KIAA0753: variants seen among roughly 807,000 people sequenced by gnomAD.
KIAA0753 encodes the protein protein moonraker.
A neutral mutation model predicts 116.9 loss-of-function variants in KIAA0753; 114 were observed. The observed-to-expected ratio is 0.98, with a 90% confidence interval of 0.84 to 1.14. The LOEUF is 1.14. Among genes scored for constraint, KIAA0753 ranks in the 50% most tolerant of loss-of-function variants. The probability of loss-of-function intolerance (pLI) is 0.00; values close to 1 mark genes in which losing one functional copy is unlikely to be tolerated. For synonymous variants in KIAA0753, 405 were observed against 413.1 expected, an observed-to-expected ratio of 0.98 and a Z score of 0.24; for missense variants, 1,156 against 1,172.4, an observed-to-expected ratio of 0.99 and a Z score of 0.20.
chr17:6,579,728 G>C lies in KIAA0753; in HGVS notation c.*19C>G. ...TCCCTTCTCCAGTGTGACACAAATGGCCTCGCCTCAGAGAGCCTTTATGTA... is the reference window on the plus strand; with the variant it reads ...TCCCTTCTCCAGTGTGACACAAATGCCCTCGCCTCAGAGAGCCTTTATGTA... On this transcript the variant is annotated 3_prime_UTR_variant, in exon 19 of 19. Transcript: ENST00000361413. 6.4e-7 allele frequency: 1 copy of C among 1,553,470 alleles called. No homozygotes were observed. Among genetic ancestry groups the C allele is most frequent in the Middle Eastern group, 1.7e-4 (1 of 5,948 alleles).
intron 18 of KIAA0753, among the ~76,000 whole-genome samples, chr17:6,589,226 A>G (rs971624218): frequency 2.0e-5 from 3 of 152,130 alleles, no homozygotes; most frequent in African/African-American, 4.8e-5. Flanking sequence ...AGGTCCCTCA[A>G]TGGGATCAGT....
chr17:6,623,859 C>T (rs545166200), intron 4 of KIAA0753: 2 of 282,380 alleles, frequency 7.1e-6, no homozygotes, highest in African/African-American at 2.2e-5. Flanking sequence ...GTAGGCGGGC[C>T]GGATCGTGAA....
At chr17:6,606,809 G>C (rs1308570885) in intron 12 of KIAA0753, 64 bp downstream of exon 12, 2 of 1,399,786 alleles carry the variant, frequency 1.4e-6, no homozygotes, top group African/African-American at 1.4e-5. Context: ...TTGGTTGCTA[G>C]AACTATCTAG....
In KIAA0753 at chr17:6,628,550, C is replaced by G; in HGVS notation, c.285G>C (p.Glu95Asp). Reference protein sequence around the residue: ...SSVSFSVISQERLSYAVHLAR... With the variant: ...SSVSFSVISQDRLSYAVHLAR... ...CTAGGTGGACAGCATAGCTAAGTCTCTCTTGGGATATGACGGAAAATGAAA... is the reference window on the plus strand; with the variant it reads ...CTAGGTGGACAGCATAGCTAAGTCTGTCTTGGGATATGACGGAAAATGAAA... Residue 95 changes from glutamate (E) to aspartate (D), a missense_variant, in exon 3 of 19, where the codon GAG becomes GAC. Physicochemically the swap from Glu to Asp is conservative, Grantham distance 45. Coordinates refer to ENST00000361413, the MANE Select transcript of KIAA0753 (RefSeq NM_014804.3). 6.2e-6 allele frequency: 10 copies of G among 1,614,200 alleles called. No homozygotes were observed. Among genetic ancestry groups the G allele is most frequent in the Non-Finnish European group, 8.5e-6 (10 of 1,180,032 alleles).
chr17:6,638,390 G>A (rs1312805117), intron 1 of KIAA0753: 1 of 153,160 alleles, frequency 6.5e-6, no homozygotes, highest in Non-Finnish European at 1.5e-5. Flanking sequence ...ACTCTGGCAG[G>A]CACCTTTCCA....
At chr17:6,591,098 GA>G (rs1169916775) in intron 16 of KIAA0753, among the ~76,000 whole-genome samples, 1 of 139,276 alleles carries the variant, frequency 7.2e-6, no homozygotes, top group Non-Finnish European at 1.6e-5. Context: ...AGAAGAAGAA[GA>G]AGAAGAAGAA....
chr17:6,614,243 C>T (rs1970731144), intron 7 of KIAA0753, among the ~76,000 whole-genome samples: 1 of 152,124 alleles, frequency 6.6e-6, no homozygotes. Context: ...CACTGCAACC[C>T]AGCAATCTCA....
intron 12 of KIAA0753, 131 bp downstream of exon 12, chr17:6,606,742 G>T: frequency 1.5e-6 from 1 of 668,460 alleles, no homozygotes; most frequent in South Asian, 1.8e-5. Context: ...TAATATACAG[G>T]TAGACATGCA....
At chr17:6,629,168 T>C (rs905163882) in intron 2 of KIAA0753, among the ~76,000 whole-genome samples, 1 of 152,210 alleles carries the variant, frequency 6.6e-6, no homozygotes, top group African/African-American at 2.4e-5. Context: ...TAGTACTTCT[T>C]CAGGTCTTCC....
At position 6,612,095 on chromosome 17, in the gene KIAA0753, G is replaced by A. The variant is rs776028596; in HGVS notation, c.1369C>T (p.Leu457Phe). The A allele has an allele frequency of 2.5e-6, 4 of 1,614,088 alleles. No individual in the cohort carries two copies. In the East Asian group the frequency reaches 8.9e-5, roughly 36 times the overall value. The change falls in exon 8 of 19, where the codon CTT becomes TTT. Residue 457 changes from leucine (L) to phenylalanine (F), a missense_variant. Coordinates refer to ENST00000361413, the MANE Select transcript of KIAA0753 (RefSeq NM_014804.3). ...ACTATATCCGCATCTAATACATCAA[G>A]CTCACTCTGCAACCTCTGGGTCTCC... is the stretch of plus-strand genomic sequence containing the variant. ...LPETQRLQSELDVLDADIVLE... is the reference protein window; with the variant it reads ...LPETQRLQSEFDVLDADIVLE...
At chr17:6,593,658 T>C (rs1394738883) in intron 16 of KIAA0753, among the ~76,000 whole-genome samples, 1 of 152,172 alleles carries the variant, frequency 6.6e-6, no homozygotes, top group African/African-American at 2.4e-5. Flanking sequence ...GAGGCCGAGG[T>C]GGGTGTGTCA....
intron 16 of KIAA0753, 100 bp downstream of exon 16, chr17:6,594,872 G>A (rs1293170611): frequency 2.5e-6 from 2 of 798,816 alleles, no homozygotes; most frequent in Non-Finnish European, 4.3e-6. Context: ...AATCTAGAAG[G>A]TGAGTATAGC....
Position 6,620,883 on chromosome 17 carries a change from C to T in KIAA0753, c.1220G>A (p.Ser407Asn). The T allele has an allele frequency of 4.3e-6, 7 of 1,614,180 alleles. No homozygotes were observed. The highest frequency in any genetic ancestry group is 5.1e-6 in the Non-Finnish European group (6 of 1,180,018). Residue 407 changes from serine (S) to asparagine (N), a missense_variant, in exon 7 of 19, where the codon AGT becomes AAT. Transcript: ENST00000361413. ...CCTCCTCTCACCCTTTGGTGATGTACTTGGCCATCTCTCCAAGGCCTTTTG... is the reference window on the plus strand; with the variant it reads ...CCTCCTCTCACCCTTTGGTGATGTATTTGGCCATCTCTCCAAGGCCTTTTG... ...GSQKALERWP[S>N]TSPKGERRPL...
In KIAA0753 at chr17:6,628,670, A is replaced by T. The variant is rs980932244; in HGVS notation, c.165T>A (p.His55Gln). The T allele has an allele frequency of 4.3e-6, 7 of 1,613,982 alleles. No individual in the cohort carries two copies. In the African/African-American group the frequency reaches 8.0e-5, roughly 18 times the overall value. Residue 55 changes from histidine (H) to glutamine (Q), a missense_variant, in exon 3 of 19, where the codon CAT (histidine) becomes CAA (glutamine). By Grantham distance (24) the His-to-Gln change is conservative. Transcript: ENST00000361413. ...SNLAIRYSCP[H>Q]AIRIEKLKHS... ...GCTTCAGTTTTTCAATTCTAATGGC[A>T]TGTGGGCAAGAATATCGGATCGCCA...
chr17:6,612,251 GCC>G lies in KIAA0753; in HGVS notation c.1316-105_1316-104del, dbSNP rs536439908. ...AGATAGGCTCCAAATACCTATCCTA[GCC>G]CTGCTGAGAAGCAGATGTTTTGTTG... On this transcript the variant is annotated intron_variant, in intron 7 of 18. Transcript: ENST00000361413. 376 of 792,236 alleles carry G rather than the reference GCC, an allele frequency of 4.7e-4. 2 individuals carry two copies. The highest frequency in any genetic ancestry group is 1.6e-3 in the Middle Eastern group (6 of 3,676). 49.1% of individuals were successfully genotyped at this position (792,236 alleles called of 1,614,324 possible).
intron 16 of KIAA0753, 35 bp from the exon 17 acceptor site, chr17:6,590,665 A>ATAT: frequency 1.9e-6 from 3 of 1,611,216 alleles, no homozygotes; most frequent in Non-Finnish European, 2.5e-6. Flanking sequence ...ACTGCATATA[A>ATAT]AGAACAGTTG....
At chr17:6,582,755 T>C (rs1968273450) in intron 18 of KIAA0753, among the ~76,000 whole-genome samples, 1 of 152,244 alleles carries the variant, frequency 6.6e-6, no homozygotes, top group Admixed American at 6.5e-5. Flanking sequence ...CACACTTTTA[T>C]GATTCTTTAA....
chr17:6,627,136 T>C (rs1001525513), intron 3 of KIAA0753, among the ~76,000 whole-genome samples: 1 of 152,218 alleles, frequency 6.6e-6, no homozygotes, highest in South Asian at 2.1e-4. Flanking sequence ...ACAATTGTTT[T>C]TTTCTGTCTT....
chr17:6,622,577 A>C (rs1188904548), intron 6 of KIAA0753, among the ~76,000 whole-genome samples: 2 of 152,258 alleles, frequency 1.3e-5, no homozygotes, highest in Non-Finnish European at 2.9e-5. Context: ...TTCTATGCTA[A>C]TAAATTTTTT....
Sources: allele counts gnomAD v4.1 joint callset (sites outside exome capture counted in the v4.1 genomes callset), GRCh38; gene constraint gnomAD v4.1.1; transcripts MANE v1.5; gene names NCBI Gene and HGNC (gene_info 2026-07-23, HGNC 2026-07-21).